Variants in STXBP5 observed in about 807,000 individuals in gnomAD.
STXBP5 encodes the protein syntaxin-binding protein 5.
STXBP5 carries 50 observed loss-of-function variants against 152.4 expected under a neutral mutation model. The observed-to-expected ratio is 0.33, with a 90% CI of 0.26 to 0.42. The LOEUF is 0.42. STXBP5 is among the 10% of genes least tolerant of loss of function. STXBP5 has a pLI of 1.00. For synonymous variants in STXBP5, 492 were observed against 494.7 expected (o/e 0.99, Z 0.07); for missense variants, 1,167 against 1,388.6 (o/e 0.84, Z 2.54).
chr6:147,236,500 T>C (rs1778275777), intron 3 of STXBP5, among the ~76,000 whole-genome samples: 2 of 152,196 alleles, frequency 1.3e-5, no homozygotes, highest in South Asian at 4.1e-4. Context: ...ATAACAATAG[T>C]ATGATAGCAA....
chr6:147,363,910 T>C (rs1249904606), intron 24 of STXBP5, 91 bp from the exon 25 acceptor site: 1 of 1,438,546 alleles, frequency 7.0e-7, no homozygotes, highest in Non-Finnish European at 9.4e-7. Context: ...AATCATAAGA[T>C]TTATGAGGTC....
intron 4 of STXBP5, among the ~76,000 whole-genome samples, chr6:147,249,546 A>C (rs1010618403): frequency 1.3e-5 from 2 of 152,208 alleles, no homozygotes; most frequent in Non-Finnish European, 2.9e-5. Context: ...ATTAACTTGG[A>C]TATTTAGCTG....
chr6:147,207,884 T>C (rs1413351486), intron 2 of STXBP5, among the ~76,000 whole-genome samples: 1 of 152,196 alleles, frequency 6.6e-6, no homozygotes, highest in East Asian at 1.9e-4. Context: ...AGTATAATTA[T>C]AAGTGAGTAC....
At chr6:147,307,790 C>T (rs1195541547) in intron 9 of STXBP5, among the ~76,000 whole-genome samples, 2 of 152,142 alleles carry the variant, frequency 1.3e-5, no homozygotes, top group African/African-American at 4.8e-5. Context: ...AACTGTTTCT[C>T]TTTTGTAAAT....
At chr6:147,231,690 G>A (rs2115154316) in intron 2 of STXBP5, among the ~76,000 whole-genome samples, 1 of 151,894 alleles carries the variant, frequency 6.6e-6, no homozygotes, top group South Asian at 2.1e-4. Context: ...TTGCAAGAAT[G>A]TTCAGTGTAT....
At chr6:147,216,121 G>T (rs1777151994) in intron 2 of STXBP5, among the ~76,000 whole-genome samples, 1 of 152,170 alleles carries the variant, frequency 6.6e-6, no homozygotes, top group Non-Finnish European at 1.5e-5. Flanking sequence ...GCTGGGCACG[G>T]TTGCTCACGC....
At chr6:147,369,997 C>G (rs1298426094) in intron 25 of STXBP5, among the ~76,000 whole-genome samples, 1 of 151,804 alleles carries the variant, frequency 6.6e-6, no homozygotes, top group Non-Finnish European at 1.5e-5. Context: ...AAACTGGAAA[C>G]CACCCAGATG....
intron 9 of STXBP5, 24 bp downstream of exon 9, chr6:147,291,196 T>A: frequency 6.3e-7 from 1 of 1,593,728 alleles, no homozygotes; most frequent in African/African-American, 1.3e-5. Context: ...TCATTGCCAA[T>A]GTTCATTGTA....
intron 8 of STXBP5, among the ~76,000 whole-genome samples, chr6:147,282,893 C>G (rs1780768037): frequency 6.6e-6 from 1 of 152,000 alleles, no homozygotes; most frequent in Admixed American, 6.6e-5. Flanking sequence ...GGTGCTAGAC[C>G]AGGGGTGCCT....
At chr6:147,338,896 A>G (rs928418621) in intron 19 of STXBP5, among the ~76,000 whole-genome samples, 2 of 151,340 alleles carry the variant, frequency 1.3e-5, no homozygotes, top group African/African-American at 4.8e-5. Flanking sequence ...AGTTTTTTTT[A>G]ATATATTTTC....
intron 18 of STXBP5, among the ~76,000 whole-genome samples, chr6:147,327,711 G>A (rs977095184): frequency 6.6e-6 from 1 of 152,086 alleles, no homozygotes; most frequent in Non-Finnish European, 1.5e-5. Context: ...CAAAGTACTG[G>A]GATTACAGGC....
intron 4 of STXBP5, among the ~76,000 whole-genome samples, chr6:147,241,949 T>G (rs1286760837): frequency 2.0e-5 from 3 of 152,154 alleles, no homozygotes; most frequent in African/African-American, 7.2e-5. Flanking sequence ...ATTTTATTAT[T>G]TTAGAGTTTA....
rs1786330914 is a variant in STXBP5 at position 147,386,204 on chromosome 6, CATTAAA to C, written c.*1455_*1460del. On this transcript the variant is annotated 3_prime_UTR_variant, in exon 28 of 28. Transcript: ENST00000321680. ...CAACCCAGCAAAAGCAAAATGGAAG[CATTAAA>C]ATTAATGTTAATGAAATTTAAATAT... 1 of 151,684 alleles carries C rather than the reference CATTAAA, an allele frequency of 6.6e-6. No individual in the cohort carries two copies. Among genetic ancestry groups the C allele is most frequent in the Non-Finnish European group, 1.5e-5 (1 of 67,826 alleles). 9.4% of individuals were successfully genotyped at this position (151,684 alleles called of 1,614,324 possible). A position where few individuals can be genotyped will look rare whatever the true frequency, so the allele number is the denominator to read the frequency against.
chr6:147,331,804 T>TAA (rs1562250948), intron 18 of STXBP5, among the ~76,000 whole-genome samples: 7 of 110,386 alleles, frequency 6.3e-5, no homozygotes, highest in African/African-American at 1.3e-4. Flanking sequence ...TTTCTACCAG[T>TAA]TAAAAAAAAA....
chr6:147,375,735 C>G (rs1785780535), intron 26 of STXBP5, among the ~76,000 whole-genome samples: 1 of 151,532 alleles, frequency 6.6e-6, no homozygotes, highest in South Asian at 2.1e-4. Context: ...TAAAAATTTT[C>G]AATTAACTAA....
rs1776428219 is a variant in STXBP5 at position 147,204,461 on chromosome 6, C to T, written c.-72C>T. The stretch of plus-strand genomic sequence containing the variant: ...TCCGCGGTCGAAGCTGCCTTCGGCC[C>T]CGGGTGGTCTCCCCCGCCCGGGGAC... On this transcript the variant is annotated 5_prime_UTR_variant, in exon 1 of 28. Transcript: ENST00000321680. The surrounding 1 kb of genome is among the most constrained non-coding windows in gnomAD (Gnocchi z 4.3). 7 of 1,527,242 alleles carry T rather than the reference C, an allele frequency of 4.6e-6. No homozygotes were observed. Among genetic ancestry groups the T allele is most frequent in the South Asian group, 1.2e-5 (1 of 84,296 alleles). 94.6% of individuals were successfully genotyped at this position (1,527,242 alleles called of 1,614,324 possible). A position where few individuals can be genotyped will look rare whatever the true frequency, so the allele number is the denominator to read the frequency against.
intron 10 of STXBP5, among the ~76,000 whole-genome samples, chr6:147,311,160 G>A (rs1047007810): frequency 6.6e-6 from 1 of 152,118 alleles, no homozygotes; most frequent in Non-Finnish European, 1.5e-5. Context: ...CTGTTCTTGT[G>A]TGTATTCAGA....
chr6:147,329,235 T>G (rs1783428407), intron 18 of STXBP5, among the ~76,000 whole-genome samples: 2 of 148,432 alleles, frequency 1.3e-5, no homozygotes, highest in African/African-American at 2.4e-5. Flanking sequence ...ATTTTATTTA[T>G]ATTATTTTTA....
intron 8 of STXBP5, among the ~76,000 whole-genome samples, chr6:147,279,049 T>A (rs945827267): frequency 6.6e-6 from 1 of 152,136 alleles, no homozygotes; most frequent in South Asian, 2.1e-4. Flanking sequence ...GAGTAAATCA[T>A]CCTCCTCAGG....
Sources: allele counts gnomAD v4.1 joint callset (sites outside exome capture counted in the v4.1 genomes callset), GRCh38; gene constraint gnomAD v4.1.1; non-coding constraint Gnocchi (gnomAD v3.1); transcripts MANE v1.5; gene names NCBI Gene and HGNC (gene_info 2026-07-23, HGNC 2026-07-21).